TFEC: variants seen among roughly 807,000 people sequenced by gnomAD.
TFEC encodes class E basic helix-loop-helix protein 34.
TFEC carries 31 observed loss-of-function variants against 41.6 expected under a neutral mutation model. That is an observed-to-expected ratio of 0.74 (90% CI 0.56 to 1.01). TFEC has a LOEUF of 1.01. Ranked by LOEUF, TFEC falls within the 50% of genes least tolerant of loss-of-function variation. The pLI, the probability that TFEC is intolerant of heterozygous loss-of-function variation, is 0.00. For missense variants in TFEC, 402 were observed against 404.1 expected (o/e 0.99, Z 0.04); for synonymous variants, 143 against 140.6 (o/e 1.02, Z -0.12).
At chr7:115,998,872 A>G (rs1225380232) in intron 1 of TFEC, among the ~76,000 whole-genome samples, 2 of 151,998 alleles carry the variant, frequency 1.3e-5, no homozygotes, top group Non-Finnish European at 1.5e-5. Flanking sequence ...AGCAACCCCA[A>G]TGCAATAACA....
In TFEC at chr7:115,990,271, G is replaced by A. The variant is rs534134496; in HGVS notation, c.-72-5758C>T. Among the ~76,000 whole-genome samples the A allele has an allele frequency of 2.9e-4, 44 of 152,228 alleles. No individual in the cohort carries two copies. The Middle Eastern group carries it at 0.01, about 35-fold the overall frequency. ...AAAGGTAGATGAATCCACAAAGATC[G>A]GGAGAAACCAAAGCAGAAAAGCTGA... On this transcript the variant is annotated intron_variant, in intron 1 of 7. Coordinates refer to ENST00000265440, the MANE Select transcript of TFEC (RefSeq NM_012252.4).
chr7:116,100,675 G>C (rs1797583915), intron 3 of TFEC, among the ~76,000 whole-genome samples: 1 of 152,030 alleles, frequency 6.6e-6, no homozygotes, highest in Non-Finnish European at 1.5e-5. Context: ...GTCCCTCTAT[G>C]TCAATTCCAA....
intron 1 of TFEC, among the ~76,000 whole-genome samples, chr7:116,029,327 A>G (rs983572386): frequency 1.3e-5 from 2 of 152,182 alleles, no homozygotes; most frequent in Non-Finnish European, 2.9e-5. Flanking sequence ...ATCCAAAAGT[A>G]AAATATTTAA....
chr7:115,975,568 G>A (rs920256085), intron 2 of TFEC, among the ~76,000 whole-genome samples: 4 of 152,140 alleles, frequency 2.6e-5, no homozygotes, highest in Admixed American at 1.3e-4. Context: ...GTGAGATCTT[G>A]TGGTTAGAAC....
intron 1 of TFEC, among the ~76,000 whole-genome samples, chr7:116,151,761 C>T (rs1170003815): frequency 6.6e-6 from 1 of 151,886 alleles, no homozygotes. Context: ...AATGCATGGA[C>T]ATATCTAGTC....
chr7:115,951,056 T>C (rs1200210403), intron 5 of TFEC, 107 bp from the exon 6 acceptor site: 2 of 526,098 alleles, frequency 3.8e-6, no homozygotes, highest in Non-Finnish European at 6.3e-6. Flanking sequence ...AAAAAAACTT[T>C]CCATTTAGTC....
intron 3 of TFEC, among the ~76,000 whole-genome samples, chr7:116,106,158 A>G (rs890572930): frequency 4.6e-5 from 7 of 152,184 alleles, no homozygotes; most frequent in Non-Finnish European, 1.0e-4. Context: ...ATTAAAGAAT[A>G]TCTCTTATTT....
intron 1 of TFEC, among the ~76,000 whole-genome samples, chr7:115,995,693 T>C (rs1794336106): frequency 6.6e-6 from 1 of 152,064 alleles, no homozygotes. Flanking sequence ...CTGGAGAAGG[T>C]AGGAAAGACA....
At chr7:116,072,666 T>C (rs888627953) in intron 3 of TFEC, among the ~76,000 whole-genome samples, 5 of 151,638 alleles carry the variant, frequency 3.3e-5, no homozygotes, top group African/African-American at 9.7e-5. Context: ...TTGATGTGTA[T>C]CCATGGACTG....
At chr7:116,137,505 A>G (rs1183329254) in intron 1 of TFEC, among the ~76,000 whole-genome samples, 1 of 152,150 alleles carries the variant, frequency 6.6e-6, no homozygotes, top group African/African-American at 2.4e-5. Context: ...TTGAGCAGCT[A>G]TTTTATGTCT....
intron 1 of TFEC, among the ~76,000 whole-genome samples, chr7:115,984,890 T>A (rs1349993785): frequency 6.6e-6 from 1 of 152,126 alleles, no homozygotes; most frequent in Non-Finnish European, 1.5e-5. Flanking sequence ...TTACTTGGAT[T>A]CCTTTATATT....
chr7:116,142,449 G>C (rs1160213383), intron 1 of TFEC, among the ~76,000 whole-genome samples: 2 of 152,070 alleles, frequency 1.3e-5, no homozygotes, highest in African/African-American at 4.8e-5. Context: ...CAATTGTACT[G>C]TATGACTCCC....
chr7:115,974,339 G>T (rs1793271946), intron 2 of TFEC, 83 bp from the exon 3 acceptor site: 2 of 1,044,556 alleles, frequency 1.9e-6, no homozygotes, highest in South Asian at 2.8e-5. Context: ...AAAAATTCTA[G>T]CAATCTTTAA....
chr7:116,150,928 C>T (rs941604398), intron 1 of TFEC, among the ~76,000 whole-genome samples: 1 of 152,230 alleles, frequency 6.6e-6, no homozygotes, highest in East Asian at 1.9e-4. Flanking sequence ...TTTTTGTATG[C>T]ATCCCTCTTA....
At chr7:116,089,063 C>T (rs541517862) in intron 3 of TFEC, among the ~76,000 whole-genome samples, 1 of 152,068 alleles carries the variant, frequency 6.6e-6, no homozygotes, top group African/African-American at 2.4e-5. Flanking sequence ...TCCATTATCA[C>T]CATGCCACTG....
At chr7:116,029,487 A>G (rs998186056) in intron 1 of TFEC, among the ~76,000 whole-genome samples, 8 of 152,198 alleles carry the variant, frequency 5.3e-5, no homozygotes, top group Non-Finnish European at 1.5e-5. Flanking sequence ...CGAAAGAATC[A>G]TGAAGGTTAT....
chr7:115,998,475 A>G (rs1794455788), intron 1 of TFEC, among the ~76,000 whole-genome samples: 1 of 151,932 alleles, frequency 6.6e-6, no homozygotes, highest in South Asian at 2.1e-4. Context: ...TTTCTTCCTT[A>G]TTAATAATAA....
chr7:116,098,194 C>G (rs767293578), intron 3 of TFEC, among the ~76,000 whole-genome samples: 9 of 152,086 alleles, frequency 5.9e-5, no homozygotes, highest in Non-Finnish European at 1.0e-4. Context: ...GAGTCTCACT[C>G]TGCTGCATAG....
chr7:116,133,624 A>G (rs1172906942), intron 1 of TFEC, among the ~76,000 whole-genome samples: 1 of 151,740 alleles, frequency 6.6e-6, no homozygotes, highest in Non-Finnish European at 1.5e-5. Flanking sequence ...CATTTAAATT[A>G]AAGACTTTTC....
Sources: gnomAD v4.1 joint callset for allele counts (sites outside exome capture counted in the v4.1 genomes callset) on GRCh38, gnomAD v4.1.1 for gene constraint, MANE v1.5 for transcripts, NCBI Gene and HGNC (gene_info 2026-07-23, HGNC 2026-07-21) for gene names.